GRIN2B: variants seen among roughly 807,000 people sequenced by gnomAD.
GRIN2B encodes glutamate ionotropic receptor NMDA type subunit 2B.
A neutral mutation model predicts 114.5 loss-of-function variants in GRIN2B; 5 were observed. The observed-to-expected ratio is 0.04, with a 90% CI of 0.02 to 0.09. GRIN2B has a LOEUF of 0.09. Ranked by LOEUF, GRIN2B falls within the 10% of genes least tolerant of loss-of-function variation. The pLI is 1.00. For missense variants in GRIN2B, 1,108 were observed against 1,943.5 expected (o/e 0.57, Z 8.08); for synonymous variants, 787 against 745.1 (o/e 1.06, Z -0.92).
chr12:13,612,817 T>A (rs1269603587), intron 8 of GRIN2B, among the ~76,000 whole-genome samples: 1 of 152,200 alleles, frequency 6.6e-6, no homozygotes, highest in South Asian at 2.1e-4. Flanking sequence ...GCTCCCTCAA[T>A]TGTGTCTCAA....
intron 10 of GRIN2B, among the ~76,000 whole-genome samples, chr12:13,607,420 T>C (rs1157001248): frequency 1.2e-5 from 1 of 83,298 alleles, no homozygotes; most frequent in African/African-American, 5.1e-5. Context: ...ATATATAATA[T>C]ATATTATATA....
At chr12:13,937,072 A>G (rs1355209023) in intron 2 of GRIN2B, among the ~76,000 whole-genome samples, 1 of 140,212 alleles carries the variant, frequency 7.1e-6, no homozygotes, top group Non-Finnish European at 1.5e-5. Context: ...TAGAGTTCAA[A>G]CAGCACAGAA....
intron 2 of GRIN2B, among the ~76,000 whole-genome samples, chr12:13,960,543 G>A (rs1038337612): frequency 2.0e-5 from 3 of 152,114 alleles, no homozygotes; most frequent in Non-Finnish European, 4.4e-5. Context: ...GGTACTGGGG[G>A]CATGGAGGAG....
intron 2 of GRIN2B, among the ~76,000 whole-genome samples, chr12:13,867,069 A>T (rs1865839981): frequency 6.6e-6 from 1 of 151,672 alleles, no homozygotes; most frequent in Non-Finnish European, 1.5e-5. Context: ...CAATTATTAT[A>T]AGGAACACAT....
chr12:13,726,703 T>C (rs186653909), intron 4 of GRIN2B, among the ~76,000 whole-genome samples: 262 of 151,666 alleles, frequency 1.7e-3, no homozygotes, highest in African/African-American at 6.0e-3. Flanking sequence ...GGGGAACACA[T>C]GGTATTTGGT....
chr12:13,593,581 AC>A, intron 10 of GRIN2B, among the ~76,000 whole-genome samples: 1 of 152,236 alleles, frequency 6.6e-6, no homozygotes, highest in East Asian at 1.9e-4. Context: ...AAGACCAAAA[AC>A]CATAAAAACC....
chr12:13,647,186 T>A (rs1325638329), intron 5 of GRIN2B, among the ~76,000 whole-genome samples: 1 of 152,092 alleles, frequency 6.6e-6, no homozygotes. Context: ...AACTGTGATA[T>A]AAGAAGTATG....
chr12:13,888,214 C>A (rs1167686403), intron 2 of GRIN2B, among the ~76,000 whole-genome samples: 1 of 152,114 alleles, frequency 6.6e-6, no homozygotes, highest in Non-Finnish European at 1.5e-5. Flanking sequence ...TAAGCAATTT[C>A]ATCATTGTGT....
intron 4 of GRIN2B, among the ~76,000 whole-genome samples, chr12:13,677,141 G>T (rs1950082326): frequency 6.6e-6 from 1 of 152,178 alleles, no homozygotes; most frequent in South Asian, 2.1e-4. Flanking sequence ...AATCAATAAT[G>T]ATTAGCTCTG....
rs1948261932 is a variant in GRIN2B, at chr12:13,540,404, T to A, written c.*22379A>T. 6.6e-6 allele frequency: 1 copy of A among 152,106 alleles called. No homozygotes were observed. Among genetic ancestry groups the A allele is most frequent in the Non-Finnish European group, 1.5e-5 (1 of 68,026 alleles). 9.4% of individuals were successfully genotyped at this position (152,106 alleles called of 1,614,324 possible). A position where few individuals can be genotyped will look rare whatever the true frequency, so the allele number is the denominator to read the frequency against. On this transcript the variant is annotated 3_prime_UTR_variant, in exon 14 of 14. Transcript: ENST00000609686. Reference sequence around the variant, plus strand: ...TGTCTTTTTTTTAATTCGTTTTAATTTTTGTTCCTGCATCATTTGAACAAG... The same window carrying A: ...TGTCTTTTTTTTAATTCGTTTTAATATTTGTTCCTGCATCATTTGAACAAG...
intron 5 of GRIN2B, among the ~76,000 whole-genome samples, chr12:13,666,855 G>C (rs995801066): frequency 6.6e-6 from 1 of 152,152 alleles, no homozygotes; most frequent in Admixed American, 6.6e-5. Context: ...AGGTATTTTA[G>C]CTTTAATGCC....
chr12:13,824,305 T>C (rs1400428846), intron 3 of GRIN2B, among the ~76,000 whole-genome samples: 3 of 152,244 alleles, frequency 2.0e-5, no homozygotes, highest in Non-Finnish European at 4.4e-5. Flanking sequence ...TTCTTTGATA[T>C]ATAAAGAATG....
chr12:13,563,724 G>A lies in GRIN2B; in HGVS notation c.3514C>T (p.Pro1172Ser), dbSNP rs757924519. Residue 1172 changes from proline to serine, a missense_variant, in exon 14 of 14, where the codon CCC becomes TCC. Physicochemically the swap from Pro to Ser is moderately conservative, Grantham distance 74. Transcript: ENST00000609686. ...FKRDSVSGGG[P>S]CTNRSHIKHG... ...TTGATGTGAGACCTGTTGGTACAGG[G>A]CCCTCCTCCGCTGACGGAGTCGCGC... is the stretch of plus-strand genomic sequence containing the variant. The A allele has an allele frequency of 6.2e-6, 10 of 1,613,502 alleles. No homozygotes were observed. The highest frequency in any genetic ancestry group is 1.7e-5 in the Admixed American group (1 of 60,008).
At chr12:13,675,702 T>G in intron 5 of GRIN2B, 43 bp downstream of exon 5, 7 of 1,227,970 alleles carry the variant, frequency 5.7e-6, no homozygotes, top group Non-Finnish European at 8.5e-6. Flanking sequence ...AATTTCACAT[T>G]TCTACTCTAC....
At chr12:13,746,220 A>G (rs1164501352) in intron 4 of GRIN2B, among the ~76,000 whole-genome samples, 1 of 152,116 alleles carries the variant, frequency 6.6e-6, no homozygotes, top group Non-Finnish European at 1.5e-5. Flanking sequence ...AGGTAACTGC[A>G]CAGCGCTGGG....
chr12:13,825,496 T>TTTTTTTTTTG lies in GRIN2B; in HGVS notation c.411+40301_411+40302insCAAAAAAAAA, dbSNP rs375940899. 7.3e-4 allele frequency among the ~76,000 whole-genome samples: 90 copies of TTTTTTTTTTG among 122,970 alleles called. 1 individual carries two copies. Among genetic ancestry groups the TTTTTTTTTTG allele is most frequent in the East Asian group, 1.1e-3 (5 of 4,468 alleles). The allele number at this position is 122,970 out of a possible 152,430, so 80.7% of individuals were successfully genotyped here. On this transcript the variant is annotated intron_variant, in intron 3 of 13. Coordinates refer to ENST00000609686, the MANE Select transcript of GRIN2B (RefSeq NM_000834.5). ...TATATATAATAAATATATATATATT[T>TTTTTTTTTTG]TGTGTGTGTGTGTGTGTGTGTGTGT...
At chr12:13,566,142 C>T (rs117912904) in intron 13 of GRIN2B, among the ~76,000 whole-genome samples, 5 of 152,170 alleles carry the variant, frequency 3.3e-5, no homozygotes, top group Non-Finnish European at 5.9e-5. Flanking sequence ...AGAAAGGACA[C>T]GGAGAAATTG....
intron 10 of GRIN2B, among the ~76,000 whole-genome samples, chr12:13,575,670 C>CAATAATAAT (rs574433534): frequency 0.057 from 7,379 of 129,552 alleles, 249 homozygotes; most frequent in East Asian, 0.14. Context: ...AAAATGATAA[C>CAATAATAAT]AACAATAATA....
chr12:13,821,226 G>T (rs1188352816), intron 3 of GRIN2B, among the ~76,000 whole-genome samples: 1 of 152,080 alleles, frequency 6.6e-6, no homozygotes, highest in Non-Finnish European at 1.5e-5. Flanking sequence ...ACCAGCTCAA[G>T]TGTCATTTCT....
Sources: allele counts gnomAD v4.1 joint callset (sites outside exome capture counted in the v4.1 genomes callset), GRCh38; gene constraint gnomAD v4.1.1; transcripts MANE v1.5; gene names NCBI Gene and HGNC (gene_info 2026-07-23, HGNC 2026-07-21).